The following HIPK2 variants were observed in gnomAD, a reference collection of about 807,000 sequenced individuals.
The protein encoded by HIPK2 is homeodomain interacting protein kinase 2.
Under a neutral mutation model 113.7 loss-of-function variants are expected in HIPK2, and 27 were observed. That is an observed-to-expected ratio of 0.24 (90% confidence interval 0.17 to 0.33). The LOEUF is 0.33. HIPK2 is among the 10% of genes least tolerant of loss of function. The pLI, the probability that HIPK2 is intolerant of heterozygous loss-of-function variation, is 1.00. For missense variants in HIPK2, 1,257 were observed against 1,588.0 expected, an observed-to-expected ratio of 0.79 and a Z score of 3.54; for synonymous variants, 631 against 642.2, an observed-to-expected ratio of 0.98 and a Z score of 0.26.
chr7:139,611,639 T>G (rs1402377255), intron 9 of HIPK2, among the ~76,000 whole-genome samples: 1 of 152,172 alleles, frequency 6.6e-6, no homozygotes, highest in African/African-American at 2.4e-5. Flanking sequence ...ACTCCTGGGC[T>G]CAAGTGATCC....
At chr7:139,762,944 G>A (rs1393938926) in intron 1 of HIPK2, among the ~76,000 whole-genome samples, 4 of 152,230 alleles carry the variant, frequency 2.6e-5, no homozygotes, top group African/African-American at 9.6e-5. Flanking sequence ...AGGGGAATAT[G>A]ATTTACACTG....
chr7:139,639,851 T>C (rs1800946144), intron 2 of HIPK2, among the ~76,000 whole-genome samples: 1 of 152,172 alleles, frequency 6.6e-6, no homozygotes, highest in African/African-American at 2.4e-5. Context: ...CAGTACCTCC[T>C]ATGTGAGAGG....
Position 139,613,297 on chromosome 7 carries a change from C to A in HIPK2, c.2017G>T (p.Ala673Ser), listed in dbSNP as rs752617083. The change falls in exon 9 of 15, where the codon GCT (alanine) becomes TCT (serine). Residue 673 changes from alanine (A) to serine (S), a missense_variant. By Grantham distance (99) the Ala-to-Ser change is moderately conservative. Around this residue, in one of 5 missense-constraint regions of HIPK2, gnomAD observed 862 missense variants for 1,004.3 expected, o/e 0.86. Coordinates refer to ENST00000406875, the MANE Select transcript of HIPK2 (RefSeq NM_022740.5). The surrounding 1 kb of genome is among the most constrained non-coding windows in gnomAD (Gnocchi z 4.2). ...QGLQASPSKH[A>S]GYSVRMENAV... ...TTTTCCATTCGCACCGAGTAGCCAGCGTGCTTAGAGGGAGAGGCCTGCAAG... is the reference window on the plus strand; with the variant it reads ...TTTTCCATTCGCACCGAGTAGCCAGAGTGCTTAGAGGGAGAGGCCTGCAAG... The A allele has an allele frequency of 1.9e-6, 3 of 1,613,380 alleles. No individual in the cohort carries two copies. Among genetic ancestry groups the A allele is most frequent in the South Asian group, 2.2e-5 (2 of 90,956 alleles).
chr7:139,600,686 C>T (rs1414326957), intron 10 of HIPK2, 90 bp from the exon 11 acceptor site: 2 of 1,428,790 alleles, frequency 1.4e-6, no homozygotes, highest in Non-Finnish European at 1.9e-6. Context: ...CAATTAAACG[C>T]TGACTGCAGT....
intron 7 of HIPK2, among the ~76,000 whole-genome samples, chr7:139,618,620 G>C (rs373410333): frequency 3.3e-4 from 50 of 152,300 alleles, no homozygotes; most frequent in African/African-American, 1.2e-3. Flanking sequence ...CTTTGGAGTG[G>C]ATATGCTGGC....
intron 2 of HIPK2, among the ~76,000 whole-genome samples, chr7:139,664,573 C>T (rs75290698): frequency 0.16 from 24,071 of 151,958 alleles, 2,280 homozygotes; most frequent in East Asian, 0.41. Flanking sequence ...CTCCTGCAAA[C>T]CCTTGATTTT....
rs1359711472 is a variant in HIPK2, at chr7:139,566,013, A to G, written c.*6914T>C. The G allele has an allele frequency of 1.3e-5, 2 of 152,252 alleles. No individual in the cohort carries two copies. The highest frequency in any genetic ancestry group is 4.8e-5 in the African/African-American group (2 of 41,470). The allele number at this position is 152,252 out of a possible 1,614,324, so 9.4% of individuals were successfully genotyped here. On this transcript the variant is annotated 3_prime_UTR_variant, in exon 15 of 15. Transcript: ENST00000406875. This position sits in a 1 kb window ranked among gnomAD's most constrained non-coding sequence, Gnocchi z 4.1. The stretch of plus-strand genomic sequence containing the variant: ...CTTACTTATAAGAGCTGGTTGTAGC[A>G]GCACTACTAAAGCTAGTTGGTATGC...
intron 12 of HIPK2, among the ~76,000 whole-genome samples, chr7:139,592,147 T>C (rs534103434): frequency 6.6e-6 from 1 of 152,368 alleles, no homozygotes; most frequent in South Asian, 2.1e-4. Context: ...TTTTTATATA[T>C]AAACATGTTA....
chr7:139,765,353 A>G (rs755726488), intron 1 of HIPK2, among the ~76,000 whole-genome samples: 34 of 152,204 alleles, frequency 2.2e-4, no homozygotes, highest in Non-Finnish European at 4.4e-4. Flanking sequence ...AAGACTAATA[A>G]TATTTTCCTC....
At chr7:139,698,186 C>G (rs1794615718) in intron 2 of HIPK2, among the ~76,000 whole-genome samples, 1 of 152,220 alleles carries the variant, frequency 6.6e-6, no homozygotes, top group Non-Finnish European at 1.5e-5. Context: ...TTTTTCTATG[C>G]TGGGTATTTC....
At chr7:139,645,654 T>C (rs796370201) in intron 2 of HIPK2, among the ~76,000 whole-genome samples, 19 of 152,194 alleles carry the variant, frequency 1.2e-4, no homozygotes, top group African/African-American at 4.6e-4. Flanking sequence ...AGCAGGCAGG[T>C]GTGAGTGCGG....
chr7:139,697,629 T>C (rs1794601247), intron 2 of HIPK2, among the ~76,000 whole-genome samples: 1 of 152,088 alleles, frequency 6.6e-6, no homozygotes, highest in Non-Finnish European at 1.5e-5. Context: ...TTTTTTTCCC[T>C]TTTCTGTTTA....
intron 12 of HIPK2, among the ~76,000 whole-genome samples, chr7:139,595,016 TCTGA>T (rs1452489115): frequency 6.6e-6 from 1 of 152,322 alleles, no homozygotes; most frequent in Middle Eastern, 3.4e-3. Flanking sequence ...CTGTCAGCTC[TCTGA>T]CTGGTGGAGA....
chr7:139,677,642 G>GGTATACAT (rs1266987185), intron 2 of HIPK2, among the ~76,000 whole-genome samples: 2 of 152,098 alleles, frequency 1.3e-5, no homozygotes, highest in Non-Finnish European at 2.9e-5. Context: ...TTGGTACATA[G>GGTATACAT]GTATACATGT....
intron 2 of HIPK2, among the ~76,000 whole-genome samples, chr7:139,704,192 A>ACACACCCAACACACACAC (rs1794815349): frequency 7.7e-6 from 1 of 130,100 alleles, no homozygotes; most frequent in Non-Finnish European, 1.6e-5. Context: ...TATCCAACAT[A>ACACACCCAACACACACAC]CACACCCAAC....
chr7:139,600,607 A>G lies in HIPK2; in HGVS notation c.2256-11T>C, dbSNP rs1319375144. 4 of 1,613,184 alleles carry G rather than the reference A, an allele frequency of 2.5e-6. No homozygotes were observed. Among genetic ancestry groups the G allele is most frequent in the Non-Finnish European group, 2.5e-6 (3 of 1,179,296 alleles). ...TGAGCATGCGTATTTCTGAAAGGCA[A>G]CCGGGACAACAAGGTGCCTTAGAGG... On this transcript the variant is annotated splice_polypyrimidine_tract_variant and intron_variant, in intron 10 of 14. Transcript: ENST00000406875.
intron 13 of HIPK2, 64 bp from the exon 14 acceptor site, chr7:139,575,352 C>T (rs1798455149): frequency 8.7e-6 from 13 of 1,491,216 alleles, no homozygotes; most frequent in African/African-American, 1.4e-5. Context: ...AAGATGCTAC[C>T]CCACCAGAGA....
At chr7:139,757,934 T>A (rs1240163421) in intron 1 of HIPK2, among the ~76,000 whole-genome samples, 1 of 152,194 alleles carries the variant, frequency 6.6e-6, no homozygotes, top group African/African-American at 2.4e-5. Context: ...AGATATTATT[T>A]ACAAGGATTA....
chr7:139,584,498 C>A (rs113119312), intron 12 of HIPK2, among the ~76,000 whole-genome samples: 1 of 152,198 alleles, frequency 6.6e-6, no homozygotes, highest in Non-Finnish European at 1.5e-5. Context: ...GAGTAAACCT[C>A]GCTGGGAGAA....
Sources: allele counts gnomAD v4.1 joint callset (sites outside exome capture counted in the v4.1 genomes callset), GRCh38; gene constraint gnomAD v4.1.1; regional missense constraint gnomAD v4.1.1; non-coding constraint Gnocchi (gnomAD v3.1); transcripts MANE v1.5; gene names NCBI Gene and HGNC (gene_info 2026-07-23, HGNC 2026-07-21).